TANC1: variants seen among roughly 807,000 people sequenced by gnomAD.
TANC1 encodes the protein protein TANC1.
Under a neutral mutation model 149.7 loss-of-function variants are expected in TANC1, and 77 were observed. The observed-to-expected ratio is 0.51, with a 90% CI of 0.43 to 0.62. The LOEUF (loss-of-function observed/expected upper bound fraction) is 0.62. TANC1 is among the 20% of genes least tolerant of loss of function. The pLI, the probability that TANC1 is intolerant of heterozygous loss-of-function variation, is 0.00. For synonymous variants in TANC1, 854 were observed against 925.0 expected, an observed-to-expected ratio of 0.92 and a Z score of 1.39; for missense variants, 1,985 against 2,321.8, an observed-to-expected ratio of 0.85 and a Z score of 2.98.
chr2:159,148,965 TCA>T (rs2052462494), intron 5 of TANC1, 175 bp from the exon 6 acceptor site: 1 of 654,334 alleles, frequency 1.5e-6, no homozygotes, highest in Non-Finnish European at 2.5e-6. Flanking sequence ...CCTTAACCTG[TCA>T]CAGTCCCTTA....
intron 4 of TANC1, among the ~76,000 whole-genome samples, chr2:159,131,205 T>C (rs1294599556): frequency 6.6e-6 from 1 of 152,160 alleles, no homozygotes; most frequent in Non-Finnish European, 1.5e-5. Context: ...TTTCTTAATC[T>C]ACTTTTTCCT....
chr2:159,008,306 A>G (rs1221691546), intron 2 of TANC1, among the ~76,000 whole-genome samples: 4 of 152,336 alleles, frequency 2.6e-5, no homozygotes, highest in Middle Eastern at 3.4e-3. Flanking sequence ...AAAATCAAGT[A>G]TCACAGCTGT....
intron 4 of TANC1, among the ~76,000 whole-genome samples, chr2:159,098,078 A>T (rs147716158): frequency 5.1e-4 from 77 of 152,008 alleles, no homozygotes; most frequent in Non-Finnish European, 9.6e-4. Context: ...ATCAGTACTG[A>T]TGTTAACCAG....
intron 16 of TANC1, among the ~76,000 whole-genome samples, chr2:159,191,695 A>C (rs908524676): frequency 9.2e-5 from 14 of 152,134 alleles, no homozygotes; most frequent in African/African-American, 3.4e-4. Flanking sequence ...TGGTTTCACT[A>C]CTTGGTAGTA....
intron 4 of TANC1, among the ~76,000 whole-genome samples, chr2:159,108,166 C>T (rs780410388): frequency 1.3e-5 from 2 of 152,156 alleles, no homozygotes; most frequent in African/African-American, 4.8e-5. Flanking sequence ...GGGAATGTAC[C>T]TTTCCCCATA....
chr2:159,195,793 A>G (rs1264079941), intron 17 of TANC1, among the ~76,000 whole-genome samples: 6 of 152,182 alleles, frequency 3.9e-5, no homozygotes, highest in African/African-American at 1.4e-4. Context: ...CCCCCATCAC[A>G]GCTGAAAGCT....
rs1367817960 is a variant in TANC1 at position 159,185,824 on chromosome 2, G to A, written c.2544G>A (p.Ser848=). 1.5e-5 allele frequency: 25 copies of A among 1,614,038 alleles called. No individual in the cohort carries two copies. Among genetic ancestry groups the A allele is most frequent in the African/African-American group, 8.0e-5 (6 of 74,994 alleles). The part of the protein sequence containing the change: ...NGHALLAFMF[S]RQEGKLNRQQ... Reference sequence around the variant, plus strand: ...ACGCGCTCTTGGCATTCATGTTCTCGCGTCAGGAGGGCAAGTTGAACCGCC... The same window carrying A: ...ACGCGCTCTTGGCATTCATGTTCTCACGTCAGGAGGGCAAGTTGAACCGCC... The change falls in exon 15 of 27, where the codon TCG becomes TCA. Residue 848 remains serine (S), a synonymous_variant. Transcript: ENST00000263635.
At position 159,097,702 on chromosome 2, in the gene TANC1, A is replaced by G; in HGVS notation, c.127A>G (p.Ser43Gly). The G allele has an allele frequency of 6.2e-7, 1 of 1,614,114 alleles. No individual in the cohort carries two copies. Among genetic ancestry groups the G allele is most frequent in the South Asian group, 1.1e-5 (1 of 91,064 alleles). The stretch of plus-strand genomic sequence containing the variant: ...TGACCACAGTGCTGACTCTCCTGTG[A>G]GCAGTCTTCCCACAGCAGAGGACAC... ...HLDHSADSPV[S>G]SLPTAEDTYR... The change falls in exon 4 of 27, where the codon AGC becomes GGC. Residue 43 changes from serine to glycine, a missense_variant. Transcript: ENST00000263635.
At chr2:159,219,479 T>C (rs757306624) in intron 21 of TANC1, 118 bp downstream of exon 21, 4 of 1,468,688 alleles carry the variant, frequency 2.7e-6, no homozygotes, top group Non-Finnish European at 3.8e-6. Context: ...AATTTTCTAA[T>C]AAACAGTAGA....
intron 11 of TANC1, among the ~76,000 whole-genome samples, chr2:159,174,717 G>C (rs962108600): frequency 1.3e-5 from 2 of 152,170 alleles, no homozygotes; most frequent in Non-Finnish European, 2.9e-5. Flanking sequence ...AAAATAACTT[G>C]TGCTGATTTT....
chr2:159,179,286 T>G, intron 14 of TANC1, 123 bp downstream of exon 14: 4 of 1,309,358 alleles, frequency 3.1e-6, no homozygotes, highest in Non-Finnish European at 3.1e-6. Flanking sequence ...TCAGTGTTAC[T>G]GCTTTGTTTT....
At chr2:159,046,339 G>C (rs1011712730) in intron 2 of TANC1, among the ~76,000 whole-genome samples, 3 of 152,104 alleles carry the variant, frequency 2.0e-5, no homozygotes, top group Non-Finnish European at 4.4e-5. Flanking sequence ...AGAAGGGTGA[G>C]TTTCAGTTTT....
Position 159,075,995 on chromosome 2 carries a change from CTT to C in TANC1, c.61+10026_61+10027del, listed in dbSNP as rs373371648. Among the ~76,000 whole-genome samples, 19 of 152,260 alleles carry C rather than the reference CTT, an allele frequency of 1.2e-4. No homozygotes were observed. The East Asian group carries it at 1.4e-3, about 11-fold the overall frequency. On this transcript the variant is annotated intron_variant, in intron 3 of 26. Coordinates refer to ENST00000263635, the MANE Select transcript of TANC1 (RefSeq NM_033394.3). ...GGGGGTATTTGTGGGTTTTAGTAAT[CTT>C]TGTCACTTTTATAGGTTAAAACTTG...
intron 2 of TANC1, among the ~76,000 whole-genome samples, chr2:159,058,626 G>T (rs186667472): frequency 6.6e-5 from 10 of 152,286 alleles, no homozygotes; most frequent in African/African-American, 1.9e-4. Context: ...GCCTGAGAAG[G>T]CTTTATGGAA....
At chr2:159,134,628 G>T (rs994746270) in intron 4 of TANC1, among the ~76,000 whole-genome samples, 1 of 152,056 alleles carries the variant, frequency 6.6e-6, no homozygotes, top group Non-Finnish European at 1.5e-5. Flanking sequence ...GATTACAGGC[G>T]CCCACTACCG....
chr2:159,055,542 C>CTT (rs1265596757), intron 2 of TANC1, among the ~76,000 whole-genome samples: 2 of 152,178 alleles, frequency 1.3e-5, no homozygotes, highest in African/African-American at 4.8e-5. Context: ...ATCCTGTGGG[C>CTT]TTTATCATTG....
intron 3 of TANC1, among the ~76,000 whole-genome samples, chr2:159,077,637 C>T (rs1186087600): frequency 3.3e-5 from 5 of 152,086 alleles, no homozygotes; most frequent in South Asian, 4.1e-4. Context: ...ACATTTTTTT[C>T]ATATTGGCAC....
At chr2:159,110,071 T>C (rs1276658774) in intron 4 of TANC1, among the ~76,000 whole-genome samples, 1 of 152,192 alleles carries the variant, frequency 6.6e-6, no homozygotes, top group African/African-American at 2.4e-5. Flanking sequence ...TGCCACTGTG[T>C]GTGATAAATT....
At chr2:159,120,489 T>A (rs73969450) in intron 4 of TANC1, among the ~76,000 whole-genome samples, 28,096 of 152,106 alleles carry the variant, frequency 0.18, 2,743 homozygotes, top group Middle Eastern at 0.26. Context: ...TATGTACAAA[T>A]GATATGAATT....
Sources: gnomAD v4.1 joint callset for allele counts (sites outside exome capture counted in the v4.1 genomes callset) on GRCh38, gnomAD v4.1.1 for gene constraint, MANE v1.5 for transcripts, NCBI Gene and HGNC (gene_info 2026-07-23, HGNC 2026-07-21) for gene names.